Variants in SLC35F1 observed in about 807,000 individuals in gnomAD.
SLC35F1 encodes the protein chromosome 6 open reading frame 169.
SLC35F1 carries 14 observed loss-of-function variants against 48.7 expected under a neutral mutation model. The ratio of observed to expected loss-of-function variants is 0.29; its 90% CI spans 0.19 to 0.45. SLC35F1 has a LOEUF of 0.45. Among genes scored for constraint, SLC35F1 ranks in the 20% least tolerant of loss-of-function variants. The probability of loss-of-function intolerance (pLI) is 1.00; values close to 1 mark genes in which losing one functional copy is unlikely to be tolerated. For missense variants in SLC35F1, 404 were observed against 500.0 expected (o/e 0.81, Z 1.83); for synonymous variants, 190 against 202.2 (o/e 0.94, Z 0.51).
intron 1 of SLC35F1, among the ~76,000 whole-genome samples, chr6:117,965,389 C>A (rs958778077): frequency 1.3e-4 from 20 of 152,170 alleles, no homozygotes; most frequent in African/African-American, 4.8e-4. Flanking sequence ...TTTTTTCAGG[C>A]CTACCATCTC....
chr6:118,011,663 C>T (rs976448308), intron 1 of SLC35F1, among the ~76,000 whole-genome samples: 2 of 152,186 alleles, frequency 1.3e-5, no homozygotes, highest in African/African-American at 4.8e-5. Flanking sequence ...GCTAATCTGA[C>T]GGGAGGCAGA....
At chr6:117,955,357 A>G (rs776219584) in intron 1 of SLC35F1, among the ~76,000 whole-genome samples, 3 of 152,204 alleles carry the variant, frequency 2.0e-5, no homozygotes, top group African/African-American at 4.8e-5. Flanking sequence ...CTTGGAACCT[A>G]TTGTTCAATG....
At chr6:118,089,123 T>C (rs755242022) in intron 1 of SLC35F1, among the ~76,000 whole-genome samples, 2 of 152,090 alleles carry the variant, frequency 1.3e-5, no homozygotes, top group Non-Finnish European at 2.9e-5. Flanking sequence ...TGCTGATGGG[T>C]TGGATACAAG....
At chr6:118,182,638 G>A (rs1286552238) in intron 2 of SLC35F1, among the ~76,000 whole-genome samples, 1 of 152,084 alleles carries the variant, frequency 6.6e-6, no homozygotes, top group African/African-American at 2.4e-5. Flanking sequence ...GGCTGAGGTG[G>A]GAGGAGGATT....
chr6:118,277,667 A>G (rs1582766211), intron 6 of SLC35F1, 121 bp downstream of exon 6: 2 of 813,892 alleles, frequency 2.5e-6, no homozygotes, highest in East Asian at 4.9e-5. Context: ...GACAAGGGAA[A>G]ATGAAATCCC....
At chr6:118,071,039 TA>T in intron 1 of SLC35F1, among the ~76,000 whole-genome samples, 1 of 145,520 alleles carries the variant, frequency 6.9e-6, no homozygotes, top group Non-Finnish European at 1.5e-5. Context: ...CGTGTATATA[TA>T]TACACATAGT....
At chr6:118,280,843 C>T (rs1455944126) in intron 6 of SLC35F1, among the ~76,000 whole-genome samples, 1 of 151,488 alleles carries the variant, frequency 6.6e-6, no homozygotes, top group African/African-American at 2.4e-5. Context: ...TGCACTCCAG[C>T]CTGGAAACAG....
chr6:117,950,032 C>T (rs1582580954), intron 1 of SLC35F1, among the ~76,000 whole-genome samples: 1 of 152,258 alleles, frequency 6.6e-6, no homozygotes, highest in East Asian at 1.9e-4. Flanking sequence ...GTGTTGCAGT[C>T]TCCGTTCACA....
intron 2 of SLC35F1, among the ~76,000 whole-genome samples, chr6:118,219,627 A>C (rs1775119697): frequency 6.6e-6 from 1 of 152,122 alleles, no homozygotes. Context: ...CTAGAACCTC[A>C]AGGATCTAGA....
rs1776435778 is a variant in SLC35F1 at position 118,316,219 on chromosome 6, C to G, written c.*1967C>G. The G allele has an allele frequency of 6.6e-6, 1 of 152,182 alleles. No homozygotes were observed. Among genetic ancestry groups the G allele is most frequent in the African/African-American group, 2.4e-5 (1 of 41,434 alleles). The allele number at this position is 152,182 out of a possible 1,614,324, so 9.4% of individuals were successfully genotyped here. A position where few individuals can be genotyped will look rare whatever the true frequency, so the allele number is the denominator to read the frequency against. On this transcript the variant is annotated 3_prime_UTR_variant, in exon 8 of 8. Transcript: ENST00000360388. ...TCTATAACGGGTAAGTGGACCTACCCTTGGAGATAGAGAAGAAAAATTATC... is the reference window on the plus strand; with the variant it reads ...TCTATAACGGGTAAGTGGACCTACCGTTGGAGATAGAGAAGAAAAATTATC...
intron 1 of SLC35F1, among the ~76,000 whole-genome samples, chr6:118,142,533 C>T (rs1773905662): frequency 6.6e-6 from 1 of 150,740 alleles, no homozygotes; most frequent in East Asian, 1.9e-4. Context: ...AAGCCTGAAG[C>T]AGGAGTGGCA....
intron 1 of SLC35F1, among the ~76,000 whole-genome samples, chr6:118,106,132 A>G (rs186291791): frequency 2.6e-5 from 4 of 152,258 alleles, no homozygotes; most frequent in Admixed American, 2.6e-4. Flanking sequence ...CTGAAAACCT[A>G]TGACTGGTAC....
At chr6:118,055,388 C>A (rs763149569) in intron 1 of SLC35F1, among the ~76,000 whole-genome samples, 1 of 152,022 alleles carries the variant, frequency 6.6e-6, no homozygotes, top group South Asian at 2.1e-4. Flanking sequence ...ATTTAAGGAA[C>A]CTGGCTCTGG....
intron 1 of SLC35F1, among the ~76,000 whole-genome samples, chr6:117,981,493 A>AT (rs1265170026): frequency 1.3e-5 from 2 of 151,302 alleles, no homozygotes; most frequent in Non-Finnish European, 2.9e-5. Flanking sequence ...ATGAGGGAGG[A>AT]TTGAGGGAGG....
chr6:117,963,858 C>T (rs890991297), intron 1 of SLC35F1, among the ~76,000 whole-genome samples: 21 of 151,772 alleles, frequency 1.4e-4, no homozygotes, highest in African/African-American at 3.6e-4. Context: ...GCAGGATGTG[C>T]GGGTTTGTTA....
intron 1 of SLC35F1, among the ~76,000 whole-genome samples, chr6:118,138,896 G>A (rs1262231354): frequency 6.6e-6 from 1 of 152,036 alleles, no homozygotes; most frequent in Non-Finnish European, 1.5e-5. Context: ...GCACCGGTGA[G>A]ATAGGTGCAT....
chr6:118,206,747 C>G (rs552711081), intron 2 of SLC35F1, among the ~76,000 whole-genome samples: 7 of 152,060 alleles, frequency 4.6e-5, no homozygotes, highest in Admixed American at 6.6e-5. Flanking sequence ...ATCTTGTTAC[C>G]AAACCAAATA....
chr6:117,923,600 T>TAC lies in SLC35F1; in HGVS notation c.173+15702_173+15703insCA, dbSNP rs1156379283. Reference sequence around the variant, plus strand: ...ATGTGTGTGTATATATACATATGTGTATATATACATATACATATGTATATA... The same window carrying TAC: ...ATGTGTGTGTATATATACATATGTGTACATATATACATATACATATGTATATA... On this transcript the variant is annotated intron_variant, in intron 1 of 7. Coordinates refer to ENST00000360388, the MANE Select transcript of SLC35F1 (RefSeq NM_001029858.4). 4.7e-3 allele frequency among the ~76,000 whole-genome samples: 60 copies of TAC among 12,896 alleles called. 5 individuals carry two copies. The highest frequency in any genetic ancestry group is 0.019 in the African/African-American group (33 of 1,774). 8.5% of individuals were successfully genotyped at this position (12,896 alleles called of 152,430 possible).
At chr6:118,300,402 G>T (rs1467871764) in intron 7 of SLC35F1, among the ~76,000 whole-genome samples, 1 of 152,142 alleles carries the variant, frequency 6.6e-6, no homozygotes, top group African/African-American at 2.4e-5. Flanking sequence ...CTGAGTGATG[G>T]CTATACTTGT....
Sources: allele counts gnomAD v4.1 joint callset (sites outside exome capture counted in the v4.1 genomes callset), GRCh38; gene constraint gnomAD v4.1.1; transcripts MANE v1.5; gene names NCBI Gene and HGNC (gene_info 2026-07-23, HGNC 2026-07-21).